SCML2: variants seen among roughly 807,000 people sequenced by gnomAD.
The protein encoded by SCML2 is sex comb on midleg-like protein 2.
A neutral mutation model predicts 48.4 loss-of-function variants in SCML2; 6 were observed. That is an observed-to-expected ratio of 0.12 (90% confidence interval 0.07 to 0.24). The LOEUF (loss-of-function observed/expected upper bound fraction) is 0.24. Among genes scored for constraint, SCML2 ranks in the 10% least tolerant of loss-of-function variants. The probability of loss-of-function intolerance (pLI) is 1.00; values close to 1 mark genes in which losing one functional copy is unlikely to be tolerated. For missense variants in SCML2, 377 were observed against 528.2 expected, an observed-to-expected ratio of 0.71 and a Z score of 2.81; for synonymous variants, 181 against 189.5, an observed-to-expected ratio of 0.95 and a Z score of 0.37.
chrX:18,249,696 T>C (rs1926574776), intron 11 of SCML2, among the ~76,000 whole-genome samples: 1 of 111,486 alleles, frequency 9.0e-6, no homozygotes, highest in Admixed American at 9.6e-5. Context: ...CCTGGGAATC[T>C]AGACGGTTCA....
At chrX:18,248,496 T>C in intron 11 of SCML2, among the ~76,000 whole-genome samples, 1 of 112,286 alleles carries the variant, frequency 8.9e-6, no homozygotes, top group Non-Finnish European at 1.9e-5. Context: ...ATCTAAAAAG[T>C]CTGATAGTAG....
chrX:18,334,560 G>C lies in SCML2; in HGVS notation c.-24-465C>G, dbSNP rs959392509. 3.6e-5 allele frequency among the ~76,000 whole-genome samples: 4 copies of C among 111,748 alleles called. No individual in the cohort carries two copies. In the East Asian group the frequency reaches 8.5e-4, roughly 24 times the overall value. On this transcript the variant is annotated intron_variant, in intron 1 of 14. Transcript: ENST00000251900. Reference sequence around the variant, plus strand: ...GCCAAGAGGTACAAGAATTATGACCGTGTTGGGAAAACCTGTAAGAACTGC... The same window carrying C: ...GCCAAGAGGTACAAGAATTATGACCCTGTTGGGAAAACCTGTAAGAACTGC...
At chrX:18,339,183 G>T (rs189685144) in intron 1 of SCML2, among the ~76,000 whole-genome samples, 2 of 111,136 alleles carry the variant, frequency 1.8e-5, no homozygotes. Context: ...AACAAAACAG[G>T]AACTCTAAAT....
At chrX:18,324,175 A>C in intron 4 of SCML2, 82 bp from the exon 5 acceptor site, 2 of 590,874 alleles carry the variant, frequency 3.4e-6, no homozygotes, top group Non-Finnish European at 5.4e-6. Context: ...AGAATACCTG[A>C]GGAACATTTT....
At chrX:18,313,653 G>A (rs1929029674) in intron 6 of SCML2, among the ~76,000 whole-genome samples, 1 of 111,340 alleles carries the variant, frequency 9.0e-6, no homozygotes, top group African/African-American at 3.3e-5. Flanking sequence ...ATACTGTCAT[G>A]TGTCCCTAGA....
intron 6 of SCML2, among the ~76,000 whole-genome samples, chrX:18,319,608 CA>C (rs78459209): frequency 3.8e-4 from 34 of 89,387 alleles, no homozygotes; most frequent in South Asian, 2.2e-3. Context: ...AAAAAAAAAA[CA>C]AAAAAAAAAA....
At chrX:18,319,595 C>CAAAAAAAA (rs1354418550) in intron 6 of SCML2, among the ~76,000 whole-genome samples, 1 of 34,023 alleles carries the variant, frequency 2.9e-5, no homozygotes. Flanking sequence ...GACTCTGTCT[C>CAAAAAAAA]AAAAAAAAAA....
intron 7 of SCML2, among the ~76,000 whole-genome samples, chrX:18,268,415 G>A (rs1927329441): frequency 9.1e-6 from 1 of 110,385 alleles, no homozygotes; most frequent in Non-Finnish European, 1.9e-5. Context: ...TGTAATCCCA[G>A]CTACTTGGGA....
intron 4 of SCML2, among the ~76,000 whole-genome samples, chrX:18,324,481 C>T (rs1483154305): frequency 1.8e-5 from 2 of 111,434 alleles, no homozygotes; most frequent in African/African-American, 3.3e-5. Flanking sequence ...CACCTTTAAC[C>T]TCATTTCCAC....
In SCML2 at chrX:18,301,426, A is replaced by T. The variant is rs1361954647; in HGVS notation, c.730+3546T>A. On this transcript the variant is annotated intron_variant, in intron 7 of 14. Coordinates refer to ENST00000251900, the MANE Select transcript of SCML2 (RefSeq NM_006089.3). The stretch of plus-strand genomic sequence containing the variant: ...AAAAAAAAAAATCAAAAAAGAAAAA[A>T]ATGAAAGGAATTATCAACCTAGAAT... 5.4e-5 allele frequency among the ~76,000 whole-genome samples: 6 copies of T among 110,953 alleles called. No homozygotes were observed. In the Admixed American group the frequency reaches 5.7e-4, roughly 11 times the overall value.
chrX:18,274,067 G>A (rs906302893), intron 7 of SCML2, among the ~76,000 whole-genome samples: 3 of 111,985 alleles, frequency 2.7e-5, no homozygotes, highest in African/African-American at 9.8e-5. Flanking sequence ...GAACTCAGGT[G>A]CCACAAGTGC....
rs777244990 is a variant in SCML2 at position 18,258,137 on chromosome X, G to A, written c.1180C>T (p.Arg394Trp). The part of the protein sequence containing the change: ...GPGPVNVVLR[R>W]IVQACVDCAL... ...CAATCCACACAGGCCTGCACAATCCGGCGAAGCACCACATTCACCGGGCCC... is the reference window on the plus strand; with the variant it reads ...CAATCCACACAGGCCTGCACAATCCAGCGAAGCACCACATTCACCGGGCCC... The change falls in exon 10 of 15, where the codon CGG (arginine) becomes TGG (tryptophan). Residue 394 changes from arginine to tryptophan, a missense_variant. By Grantham distance (101) the Arg-to-Trp change is moderately radical (BLOSUM62 -3). This residue lies in a region of SCML2 where 299 missense variants were observed against 425.5 expected (regional missense o/e 0.70). Transcript: ENST00000251900. 2 of 1,209,735 alleles carry A rather than the reference G, an allele frequency of 1.7e-6. No homozygotes were observed. Among genetic ancestry groups the A allele is most frequent in the Non-Finnish European group, 2.2e-6 (2 of 894,982 alleles).
At chrX:18,305,247 A>T in intron 6 of SCML2, 32 bp from the exon 7 acceptor site, 2 of 1,152,674 alleles carry the variant, frequency 1.7e-6, no homozygotes, top group Non-Finnish European at 2.3e-6. Context: ...AAAAGATTTC[A>T]TTGTTAAGAT....
chrX:18,282,669 C>T (rs951762427), intron 7 of SCML2, among the ~76,000 whole-genome samples: 1 of 111,299 alleles, frequency 9.0e-6, no homozygotes, highest in African/African-American at 3.3e-5. Flanking sequence ...CAACAAAACT[C>T]TACACACACA....
At chrX:18,338,990 T>C (rs181589472) in intron 1 of SCML2, among the ~76,000 whole-genome samples, 2 of 108,123 alleles carry the variant, frequency 1.8e-5, no homozygotes, top group East Asian at 5.9e-4. Flanking sequence ...CTCAAACAAG[T>C]AGAAGCTCAA....
intron 6 of SCML2, among the ~76,000 whole-genome samples, chrX:18,319,527 G>C (rs920661870): frequency 9.6e-5 from 10 of 104,083 alleles, no homozygotes; most frequent in Non-Finnish European, 1.7e-4. Context: ...AACCTGGGAG[G>C]CAGAGGTTGC....
intron 1 of SCML2, among the ~76,000 whole-genome samples, chrX:18,353,509 G>C (rs1293435528): frequency 8.9e-6 from 1 of 112,255 alleles, no homozygotes; most frequent in Admixed American, 9.5e-5. Context: ...CCCTGCCTCA[G>C]TTTACCCCCA....
chrX:18,351,673 G>GC (rs1382323772), intron 1 of SCML2, among the ~76,000 whole-genome samples: 2 of 38,550 alleles, frequency 5.2e-5, no homozygotes, highest in East Asian at 1.3e-3. Context: ...GAATAACCAG[G>GC]CAAAAAAAAA....
intron 10 of SCML2, among the ~76,000 whole-genome samples, 155 bp from the exon 11 acceptor site, chrX:18,257,185 T>G (rs772340398): frequency 4.5e-5 from 5 of 112,325 alleles, no homozygotes; most frequent in Non-Finnish European, 9.4e-5. Flanking sequence ...TAAAAGCTCC[T>G]CTCAAACACA....
Sources: allele counts gnomAD v4.1 joint callset (sites outside exome capture counted in the v4.1 genomes callset), GRCh38; gene constraint gnomAD v4.1.1; regional missense constraint gnomAD v4.1.1; transcripts MANE v1.5; gene names NCBI Gene and HGNC (gene_info 2026-07-23, HGNC 2026-07-21).